The following GALK2 variants were observed in gnomAD, a reference collection of about 807,000 sequenced individuals.
GALK2 encodes the protein N-acetylgalactosamine kinase.
In GALK2, 36 loss-of-function variants were observed where a neutral mutation model predicts 52.4. The observed-to-expected ratio is 0.69, with a 90% CI of 0.53 to 0.91. The LOEUF (loss-of-function observed/expected upper bound fraction) is 0.91, where lower values mean the gene tolerates loss of function less well. Among genes scored for constraint, GALK2 ranks in the 40% least tolerant of loss-of-function variants. GALK2 has a pLI of 0.00. For missense variants in GALK2, 579 were observed against 559.1 expected, an observed-to-expected ratio of 1.04 and a Z score of -0.36; for synonymous variants, 176 against 199.1, an observed-to-expected ratio of 0.88 and a Z score of 0.98.
In GALK2 at chr15:49,215,714, A is replaced by T. The variant is rs530688225; in HGVS notation, c.143-1476A>T. ...TCTGTCTGAAAGGACATACATCTCC[A>T]TCTTTCTGGGATTGGTCACTGGTGT... On this transcript the variant is annotated intron_variant, in intron 2 of 9. Coordinates refer to ENST00000560031, the MANE Select transcript of GALK2 (RefSeq NM_002044.4). Among the ~76,000 whole-genome samples the T allele has an allele frequency of 1.1e-4, 17 of 152,296 alleles. No individual in the cohort carries two copies. In the South Asian group the frequency reaches 3.5e-3, roughly 32 times the overall value.
chr15:49,334,252 GT>G, downstream of GALK2: 1 of 984,280 alleles, frequency 1.0e-6, no homozygotes, highest in Non-Finnish European at 1.2e-6. Flanking sequence ...TCCTGCTGCT[GT>G]TTTAGAAGTT....
At chr15:49,290,980 G>A (rs546888177) in intron 7 of GALK2, among the ~76,000 whole-genome samples, 35 of 152,068 alleles carry the variant, frequency 2.3e-4, no homozygotes, top group African/African-American at 8.2e-4. Context: ...TTTTGAGACC[G>A]AGTCTCACTT....
chr15:49,321,088 T>C (rs569961770), intron 9 of GALK2, among the ~76,000 whole-genome samples: 2 of 152,284 alleles, frequency 1.3e-5, no homozygotes, highest in East Asian at 3.9e-4. Flanking sequence ...ATAATTTGAA[T>C]GGTAGTGATA....
chr15:49,299,821 G>A (rs943186652), intron 8 of GALK2, among the ~76,000 whole-genome samples: 5 of 134,454 alleles, frequency 3.7e-5, no homozygotes, highest in African/African-American at 5.8e-5. Flanking sequence ...AGCGTGATTG[G>A]TATGATTTTT....
chr15:49,157,744 AC>A (rs904822814), intron 1 of GALK2, among the ~76,000 whole-genome samples: 3 of 152,222 alleles, frequency 2.0e-5, no homozygotes, highest in African/African-American at 7.2e-5. Context: ...ATTGGAAGGG[AC>A]CTGAGAAATT....
At chr15:49,287,215 C>A (rs549167902) in intron 7 of GALK2, among the ~76,000 whole-genome samples, 1 of 152,266 alleles carries the variant, frequency 6.6e-6, no homozygotes, top group African/African-American at 2.4e-5. Context: ...CTTTGGTCAG[C>A]AAAATTGGCA....
chr15:49,323,980 A>G (rs753012340), intron 9 of GALK2, among the ~76,000 whole-genome samples: 67 of 152,258 alleles, frequency 4.4e-4, no homozygotes, highest in Non-Finnish European at 7.9e-4. Context: ...AAATGTAAAC[A>G]GAAAGAAATG....
At chr15:49,344,641 A>T (rs532052664) in intron 3 of GALK2, among the ~76,000 whole-genome samples, 5 of 152,350 alleles carry the variant, frequency 3.3e-5, no homozygotes, top group Admixed American at 6.5e-5. Flanking sequence ...AGCAATACAC[A>T]TAATTGAAAA....
rs2085690678 is a variant in GALK2 at position 49,178,403 on chromosome 15, GACTCT to G, written c.53+8029_53+8033del. 33 of 176,714 alleles carry G rather than the reference GACTCT, an allele frequency of 1.9e-4. No individual in the cohort carries two copies. In the South Asian group the frequency reaches 4.0e-3, roughly 21 times the overall value. 10.9% of individuals were successfully genotyped at this position (176,714 alleles called of 1,614,324 possible). A position where few individuals can be genotyped will look rare whatever the true frequency, so the allele number is the denominator to read the frequency against. ...CATATATATATATATGTGAATTCAG[GACTCT>G]TAGAACCCCACAGTGGCGTCCAGCT... On this transcript the variant is annotated intron_variant, in intron 1 of 9. Transcript: ENST00000560031.
chr15:49,180,142 T>G (rs973629749), intron 1 of GALK2, among the ~76,000 whole-genome samples: 2 of 152,172 alleles, frequency 1.3e-5, no homozygotes, highest in African/African-American at 4.8e-5. Flanking sequence ...TCAAAATAAT[T>G]TCATTAAGAC....
intron 1 of GALK2, among the ~76,000 whole-genome samples, chr15:49,175,310 A>T (rs919485813): frequency 6.6e-6 from 1 of 152,192 alleles, no homozygotes; most frequent in Non-Finnish European, 1.5e-5. Context: ...CTGTCCAATC[A>T]GAGTTGTAGT....
At chr15:49,272,131 C>A (rs1349903146) in intron 5 of GALK2, among the ~76,000 whole-genome samples, 1 of 152,064 alleles carries the variant, frequency 6.6e-6, no homozygotes, top group Non-Finnish European at 1.5e-5. Context: ...TTGAGCCAGG[C>A]CTTTCTGGCT....
intron 5 of GALK2, among the ~76,000 whole-genome samples, chr15:49,264,417 C>A (rs1028677914): frequency 1.1e-4 from 16 of 152,128 alleles, no homozygotes; most frequent in Non-Finnish European, 2.2e-4. Context: ...GCTTTCAGCT[C>A]CATCAGCTCC....
At chr15:49,265,936 G>A (rs1230887740) in intron 5 of GALK2, among the ~76,000 whole-genome samples, 1 of 152,254 alleles carries the variant, frequency 6.6e-6, no homozygotes, top group South Asian at 2.1e-4. Context: ...TGCGAAGGAG[G>A]GTATGTCAGT....
chr15:49,363,942 A>C (rs2044686123), intron 3 of GALK2, among the ~76,000 whole-genome samples: 1 of 151,344 alleles, frequency 6.6e-6, no homozygotes, highest in African/African-American at 2.4e-5. Context: ...TGTTGCATGA[A>C]CCTTGTGTCC....
intron 2 of GALK2, among the ~76,000 whole-genome samples, chr15:49,208,954 G>C (rs368627954): frequency 6.6e-6 from 1 of 152,092 alleles, no homozygotes; most frequent in Admixed American, 6.6e-5. Flanking sequence ...AATTTGTTTT[G>C]TCTAATATAA....
chr15:49,351,020 C>T (rs1011148047), intron 3 of GALK2, among the ~76,000 whole-genome samples: 3 of 152,202 alleles, frequency 2.0e-5, no homozygotes, highest in Non-Finnish European at 4.4e-5. Flanking sequence ...ACCACACTGG[C>T]CAGTGCATAA....
chr15:49,200,896 T>C (rs187308953), intron 1 of GALK2, among the ~76,000 whole-genome samples: 2 of 152,290 alleles, frequency 1.3e-5, no homozygotes, highest in Admixed American at 1.3e-4. Flanking sequence ...GTTGGGTATA[T>C]CAATCTTAAC....
intron 1 of GALK2, among the ~76,000 whole-genome samples, chr15:49,160,281 GA>G (rs990053087): frequency 2.7e-5 from 4 of 148,908 alleles, no homozygotes; most frequent in South Asian, 2.1e-4. Flanking sequence ...TCTCAAAAAA[GA>G]AAAAAAAAGA....
Sources: gnomAD v4.1 joint callset for allele counts (sites outside exome capture counted in the v4.1 genomes callset) on GRCh38, gnomAD v4.1.1 for gene constraint, MANE v1.5 for transcripts, NCBI Gene and HGNC (gene_info 2026-07-23, HGNC 2026-07-21) for gene names.